LARS1: variants seen among roughly 807,000 people sequenced by gnomAD.
The protein encoded by LARS1 is leucine--tRNA ligase, cytoplasmic.
Under a neutral mutation model 162.8 loss-of-function variants are expected in LARS1, and 100 were observed. The observed-to-expected ratio is 0.61, with a 90% CI of 0.52 to 0.73. LARS1 has a LOEUF of 0.73. LARS1 is among the 30% of genes least tolerant of loss of function. LARS1 has a pLI of 0.00. For missense variants in LARS1, 1,258 were observed against 1,408.9 expected, an observed-to-expected ratio of 0.89 and a Z score of 1.71; for synonymous variants, 457 against 462.8, an observed-to-expected ratio of 0.99 and a Z score of 0.16.
chr5:146,130,365 C>A, intron 24 of LARS1: 2 of 558,792 alleles, frequency 3.6e-6, no homozygotes, highest in Non-Finnish European at 3.1e-6. Context: ...TAATAATTCT[C>A]AAAAAAAGAA....
At chr5:146,131,657 AT>A (rs111468128) in intron 23 of LARS1, 307 of 143,730 alleles carry the variant, frequency 2.1e-3, no homozygotes, top group Non-Finnish European at 2.2e-3. Context: ...CACCCAGCTA[AT>A]TTTTTTTTTT....
At position 146,114,042 on chromosome 5, in the gene LARS1, A is replaced by G; in HGVS notation, c.*64T>C. 8.0e-7 allele frequency: 1 copy of G among 1,249,076 alleles called. No individual in the cohort carries two copies. The highest frequency in any genetic ancestry group is 1.2e-6 in the Non-Finnish European group (1 of 850,442). The allele number at this position is 1,249,076 out of a possible 1,614,324, so 77.4% of individuals were successfully genotyped here. The stretch of plus-strand genomic sequence containing the variant: ...CAGCCTAAGGTTCTGATAGCCAATC[A>G]GTAGACACAATCAGAGTAGTAGTAT... On this transcript the variant is annotated 3_prime_UTR_variant, in exon 32 of 32. Transcript: ENST00000394434.
intron 15 of LARS1, among the ~76,000 whole-genome samples, chr5:146,149,307 AGAG>A: frequency 6.6e-6 from 1 of 152,160 alleles, no homozygotes; most frequent in Non-Finnish European, 1.5e-5. Flanking sequence ...CGGAGGGATG[AGAG>A]GAGGACGACA....
intron 22 of LARS1, among the ~76,000 whole-genome samples, chr5:146,134,408 G>C (rs997421192): frequency 4.6e-5 from 7 of 151,930 alleles, no homozygotes; most frequent in Non-Finnish European, 8.8e-5. Context: ...ATATTATTTG[G>C]ATACAGTTCC....
chr5:146,129,137 CA>C lies in LARS1; in HGVS notation c.2629-20del. 6 of 1,409,300 alleles carry C rather than the reference CA, an allele frequency of 4.3e-6. No homozygotes were observed. The highest frequency in any genetic ancestry group is 2.3e-5 in the Admixed American group (1 of 43,712). The allele number at this position is 1,409,300 out of a possible 1,614,324, so 87.3% of individuals were successfully genotyped here. ...AGTCAGGCTTTTAAAAAAAGAAAAA[CA>C]AAAAAACCTTCAGTGAGATTAGACA... On this transcript the variant is annotated intron_variant, in intron 25 of 31. Transcript: ENST00000394434.
Position 146,153,998 on chromosome 5 carries a change from C to A in LARS1, c.1066-18G>T. ...AGAATTTCCTGCATAAGAAAAAAAT[C>A]AATATAAAAGGTGAAGTAATTCATT... On this transcript the variant is annotated intron_variant, in intron 10 of 31. Coordinates refer to ENST00000394434, the MANE Select transcript of LARS1 (RefSeq NM_020117.11). The A allele has an allele frequency of 1.3e-6, 2 of 1,546,280 alleles. No individual in the cohort carries two copies. Among genetic ancestry groups the A allele is most frequent in the African/African-American group, 1.4e-5 (1 of 72,684 alleles).
At chr5:146,176,108 T>C (rs1367336029) in intron 2 of LARS1, among the ~76,000 whole-genome samples, 1 of 151,604 alleles carries the variant, frequency 6.6e-6, no homozygotes, top group Non-Finnish European at 1.5e-5. Context: ...GCTATGACTG[T>C]GCCACTGCAC....
intron 24 of LARS1, chr5:146,130,474 TA>T (rs1488449734): frequency 1.9e-5 from 5 of 264,088 alleles, no homozygotes; most frequent in East Asian, 2.1e-4. Flanking sequence ...ATATTAAATA[TA>T]AAAAAAGACT....
At chr5:146,114,551 T>A (rs1764114663) in intron 31 of LARS1, among the ~76,000 whole-genome samples, 1 of 151,794 alleles carries the variant, frequency 6.6e-6, no homozygotes, top group Admixed American at 6.6e-5. Flanking sequence ...CTGACCAACA[T>A]GGCAAAACAC....
At chr5:146,123,006 C>T (rs1295316785) in intron 29 of LARS1, among the ~76,000 whole-genome samples, 1 of 151,890 alleles carries the variant, frequency 6.6e-6, no homozygotes, top group Non-Finnish European at 1.5e-5. Context: ...TGACCCTGAA[C>T]ATAAGGTGCG....
chr5:146,163,028 C>T (rs867090870), intron 6 of LARS1, among the ~76,000 whole-genome samples: 2 of 152,164 alleles, frequency 1.3e-5, no homozygotes, highest in Non-Finnish European at 2.9e-5. Context: ...AGGCTGGTCT[C>T]GAACTCCTGG....
At chr5:146,138,247 C>A in intron 21 of LARS1, 1 of 189,856 alleles carries the variant, frequency 5.3e-6, no homozygotes, top group Non-Finnish European at 1.2e-5. Context: ...CCAAACAAAA[C>A]CAGAGTAATC....
chr5:146,133,692 CAAA>C (rs55993097), intron 22 of LARS1, among the ~76,000 whole-genome samples: 5 of 112,308 alleles, frequency 4.5e-5, no homozygotes, highest in Admixed American at 2.0e-4. Flanking sequence ...TATAGGGTTG[CAAA>C]AAAAAAAAAA....
At chr5:146,160,268 T>C in intron 7 of LARS1, 106 bp downstream of exon 7, 1 of 557,066 alleles carries the variant, frequency 1.8e-6, no homozygotes. Flanking sequence ...ACTCCTGGCC[T>C]CAAGCAATCC....
At position 146,157,528 on chromosome 5, in the gene LARS1, T is replaced by A; in HGVS notation, c.940A>T (p.Ile314Phe). Reference protein sequence around the residue: ...NCWVRPDMKYIGFETVNGDIF... With the variant: ...NCWVRPDMKYFGFETVNGDIF... ...TCACCATTCACCGTCTCAAATCCAATGTACTTCATATCAGGACGAACCCAA... is the reference window on the plus strand; with the variant it reads ...TCACCATTCACCGTCTCAAATCCAAAGTACTTCATATCAGGACGAACCCAA... Residue 314 changes from isoleucine (I) to phenylalanine (F), a missense_variant, in exon 10 of 32, where the codon ATT becomes TTT. Physicochemically the swap from Ile to Phe is conservative, Grantham distance 21. Coordinates refer to ENST00000394434, the MANE Select transcript of LARS1 (RefSeq NM_020117.11). 2 of 1,614,114 alleles carry A rather than the reference T, an allele frequency of 1.2e-6. No individual in the cohort carries two copies. The highest frequency in any genetic ancestry group is 1.7e-6 in the Non-Finnish European group (2 of 1,180,022).
At chr5:146,136,789 T>A (rs1752519069) in intron 21 of LARS1, among the ~76,000 whole-genome samples, 1 of 152,124 alleles carries the variant, frequency 6.6e-6, no homozygotes, top group Non-Finnish European at 1.5e-5. Context: ...CCACAGATTA[T>A]CTTAAAGGAA....
At chr5:146,154,717 G>A (rs1286396161) in intron 10 of LARS1, among the ~76,000 whole-genome samples, 2 of 152,096 alleles carry the variant, frequency 1.3e-5, no homozygotes, top group African/African-American at 4.8e-5. Flanking sequence ...GGTGGAGGTT[G>A]TAGTGAGCCA....
intron 21 of LARS1, among the ~76,000 whole-genome samples, chr5:146,136,107 T>TC (rs1752489779): frequency 6.6e-6 from 1 of 152,250 alleles, no homozygotes; most frequent in Non-Finnish European, 1.5e-5. Context: ...AATCGGTTGT[T>TC]CAAGTTGTGC....
rs142935760 is a variant in LARS1 at position 146,123,506 on chromosome 5, T to C, written c.3096+476A>G. Among the ~76,000 whole-genome samples, 681 of 151,974 alleles carry C rather than the reference T, an allele frequency of 4.5e-3. 7 individuals are homozygous for C. Among genetic ancestry groups the C allele is most frequent in the African/African-American group, 0.016 (654 of 41,508 alleles). On this transcript the variant is annotated intron_variant, in intron 29 of 31. Coordinates refer to ENST00000394434, the MANE Select transcript of LARS1 (RefSeq NM_020117.11). ...ACGGCAAGACATGGAACAATCATAA[T>C]ATATCATGAACCAAATCATAATATA...
Sources: allele counts gnomAD v4.1 joint callset (sites outside exome capture counted in the v4.1 genomes callset), GRCh38; gene constraint gnomAD v4.1.1; transcripts MANE v1.5; gene names NCBI Gene and HGNC (gene_info 2026-07-23, HGNC 2026-07-21).